The following ZNRF2 variants were observed in gnomAD, a reference collection of about 807,000 sequenced individuals.
ZNRF2 encodes the protein E3 ubiquitin-protein ligase ZNRF2.
ZNRF2 carries 16 observed loss-of-function variants against 20.4 expected under a neutral mutation model. The ratio of observed to expected loss-of-function variants is 0.79; its 90% CI spans 0.53 to 1.19. The LOEUF is 1.19. ZNRF2 is among the 50% of genes most tolerant of loss of function. The probability of loss-of-function intolerance (pLI) is 0.00; values close to 1 mark genes in which losing one functional copy is unlikely to be tolerated. For missense variants in ZNRF2, 363 were observed against 332.4 expected, an observed-to-expected ratio of 1.09 and a Z score of -0.72; for synonymous variants, 178 against 144.9, an observed-to-expected ratio of 1.23 and a Z score of -1.64.
At chr7:30,329,608 C>G (rs1037098765) in intron 2 of ZNRF2, among the ~76,000 whole-genome samples, 1 of 152,144 alleles carries the variant, frequency 6.6e-6, no homozygotes, top group African/African-American at 2.4e-5. Context: ...TCCTCCAGTT[C>G]CATCCATGTT....
chr7:30,350,491 A>G (rs1440454503), intron 2 of ZNRF2, among the ~76,000 whole-genome samples: 2 of 151,994 alleles, frequency 1.3e-5, no homozygotes, highest in African/African-American at 2.4e-5. Flanking sequence ...CGTTATTCCC[A>G]TATTTTTACT....
At chr7:30,319,111 C>CA (rs35424608) in intron 1 of ZNRF2, among the ~76,000 whole-genome samples, 10,290 of 121,574 alleles carry the variant, frequency 0.085, 930 homozygotes, top group African/African-American at 0.25. Flanking sequence ...AACTCCGTCT[C>CA]AAAAAAAAAA....
chr7:30,356,751 G>A (rs1354321206), intron 3 of ZNRF2, among the ~76,000 whole-genome samples: 1 of 138,760 alleles, frequency 7.2e-6, no homozygotes, highest in Non-Finnish European at 1.5e-5. Flanking sequence ...TGTTGCCCAG[G>A]CTGGAGGGCA....
chr7:30,302,328 A>C (rs1195336534), intron 1 of ZNRF2, among the ~76,000 whole-genome samples: 2 of 152,226 alleles, frequency 1.3e-5, no homozygotes, highest in Non-Finnish European at 2.9e-5. Context: ...AATATCATGC[A>C]TAGTCTCTGT....
chr7:30,341,139 T>G (rs1191293925), intron 2 of ZNRF2, among the ~76,000 whole-genome samples: 4 of 152,190 alleles, frequency 2.6e-5, no homozygotes, highest in Admixed American at 2.6e-4. Context: ...CTTCTTTGTC[T>G]GGCTAGGGGT....
intron 1 of ZNRF2, 142 bp downstream of exon 1, chr7:30,285,968 T>A: frequency 7.6e-7 from 1 of 1,320,920 alleles, no homozygotes; most frequent in East Asian, 3.1e-5. Flanking sequence ...CGCGTCGGTC[T>A]CCATCCTGGA....
chr7:30,362,677 G>GA (rs1306022278), intron 4 of ZNRF2, among the ~76,000 whole-genome samples: 1 of 152,208 alleles, frequency 6.6e-6, no homozygotes, highest in Non-Finnish European at 1.5e-5. Flanking sequence ...ACTTTGGGAG[G>GA]CCTCAGGCAG....
At chr7:30,355,634 G>A in intron 2 of ZNRF2, 94 bp from the exon 3 acceptor site, 1 of 952,266 alleles carries the variant, frequency 1.1e-6, no homozygotes, top group Non-Finnish European at 1.6e-6. Flanking sequence ...AAGTAAGGTG[G>A]AATCACAACT....
At chr7:30,323,152 C>A (rs952436807) in intron 1 of ZNRF2, among the ~76,000 whole-genome samples, 1 of 152,086 alleles carries the variant, frequency 6.6e-6, no homozygotes, top group Non-Finnish European at 1.5e-5. Context: ...TTTTGCTGTT[C>A]TGAAAGGCTT....
At chr7:30,352,658 T>C (rs1722019622) in intron 2 of ZNRF2, among the ~76,000 whole-genome samples, 1 of 152,086 alleles carries the variant, frequency 6.6e-6, no homozygotes, top group African/African-American at 2.4e-5. Flanking sequence ...TAGCCAACTA[T>C]GGTAGTTAAA....
chr7:30,320,019 G>C (rs1433150982), intron 1 of ZNRF2, among the ~76,000 whole-genome samples: 1 of 152,048 alleles, frequency 6.6e-6, no homozygotes, highest in Non-Finnish European at 1.5e-5. Flanking sequence ...TCGTGCATGT[G>C]TGTACTACCT....
chr7:30,284,993 C>G lies in ZNRF2; in HGVS notation c.-365C>G, dbSNP rs1029004409. ...GTGCCGAGATCGGGGGCGCCGAGCG[C>G]GGCAGCAGAGAGCGGTAGCGGCCCG... On this transcript the variant is annotated 5_prime_UTR_variant, in exon 1 of 5. Transcript: ENST00000323037. The G allele has an allele frequency of 1.6e-5, 6 of 373,732 alleles. No homozygotes were observed. The highest frequency in any genetic ancestry group is 1.1e-4 in the African/African-American group (5 of 45,006). The allele number at this position is 373,732 out of a possible 1,614,324, so 23.2% of individuals were successfully genotyped here.
chr7:30,291,183 A>G (rs1384486989), intron 1 of ZNRF2, among the ~76,000 whole-genome samples: 1 of 152,224 alleles, frequency 6.6e-6, no homozygotes, highest in African/African-American at 2.4e-5. Flanking sequence ...AAAGTTAAAT[A>G]TGTCTGGATT....
chr7:30,323,882 C>G, intron 2 of ZNRF2, 145 bp downstream of exon 2: 1 of 505,812 alleles, frequency 2.0e-6, no homozygotes, highest in Non-Finnish European at 3.2e-6. Flanking sequence ...TTCTCAAATT[C>G]TGTGATCTCA....
chr7:30,358,509 C>T (rs889900099), intron 3 of ZNRF2, among the ~76,000 whole-genome samples: 1 of 152,172 alleles, frequency 6.6e-6, no homozygotes, highest in Non-Finnish European at 1.5e-5. Context: ...ATAGTTAATA[C>T]TACCTTAGTC....
chr7:30,300,651 C>G (rs1325634645), intron 1 of ZNRF2, among the ~76,000 whole-genome samples: 2 of 152,138 alleles, frequency 1.3e-5, no homozygotes, highest in East Asian at 3.9e-4. Flanking sequence ...GTGGTTGATT[C>G]ATTTGCAAAT....
chr7:30,364,329 C>T (rs973568587), intron 4 of ZNRF2, among the ~76,000 whole-genome samples: 2 of 152,102 alleles, frequency 1.3e-5, no homozygotes, highest in South Asian at 4.1e-4. Context: ...CAATTTTAAC[C>T]TTTCCTGTGA....
chr7:30,301,485 AATAG>A (rs533170391), intron 1 of ZNRF2, among the ~76,000 whole-genome samples: 217 of 152,244 alleles, frequency 1.4e-3, no homozygotes, highest in African/African-American at 4.7e-3. Context: ...TGGGTCTCAA[AATAG>A]ATAAATAAAT....
At chr7:30,315,568 A>G (rs1240399279) in intron 1 of ZNRF2, among the ~76,000 whole-genome samples, 2 of 152,034 alleles carry the variant, frequency 1.3e-5, no homozygotes, top group Non-Finnish European at 2.9e-5. Context: ...CACAAAGTTG[A>G]GTCTACCTGG....
Sources: allele counts gnomAD v4.1 joint callset (sites outside exome capture counted in the v4.1 genomes callset), GRCh38; gene constraint gnomAD v4.1.1; transcripts MANE v1.5; gene names NCBI Gene and HGNC (gene_info 2026-07-23, HGNC 2026-07-21).